AGMO: variants seen among roughly 807,000 people sequenced by gnomAD.
AGMO encodes glyceryl-ether monooxygenase.
Under a neutral mutation model 60.2 loss-of-function variants are expected in AGMO, and 75 were observed. The observed-to-expected ratio is 1.25, with a 90% CI of 1.03 to 1.51. The LOEUF (loss-of-function observed/expected upper bound fraction) is 1.51. Among genes scored for constraint, AGMO ranks in the 40% most tolerant of loss-of-function variants. AGMO has a pLI of 0.00. For missense variants in AGMO, 763 were observed against 525.5 expected, an observed-to-expected ratio of 1.45 and a Z score of -4.42; for synonymous variants, 261 against 177.1, an observed-to-expected ratio of 1.47 and a Z score of -3.76.
At chr7:15,327,013 T>C (rs1441630773) in intron 12 of AGMO, among the ~76,000 whole-genome samples, 2 of 152,164 alleles carry the variant, frequency 1.3e-5, no homozygotes, top group African/African-American at 2.4e-5. Context: ...CTGTTTTTGA[T>C]CAATGCTGAA....
In AGMO at chr7:15,414,518, G is replaced by GGA. The variant is rs1319336471; in HGVS notation, c.609+4038_609+4039dup. ...CACACAAAGAGAGGGAGAAAGGTGG[G>GGA]GAGAGAGAGAGAGAAAACAAGTCAG... On this transcript the variant is annotated intron_variant, in intron 5 of 12. Transcript: ENST00000342526. Among the ~76,000 whole-genome samples the GGA allele has an allele frequency of 5.3e-5, 8 of 151,230 alleles. No individual in the cohort carries two copies. In the East Asian group the frequency reaches 1.2e-3, roughly 22 times the overall value.
chr7:15,379,908 A>G (rs1783608699), intron 10 of AGMO, among the ~76,000 whole-genome samples: 1 of 152,154 alleles, frequency 6.6e-6, no homozygotes, highest in Non-Finnish European at 1.5e-5. Context: ...AAAGACAGAA[A>G]GCATATGATT....
chr7:15,443,829 C>T (rs112113115), intron 3 of AGMO, among the ~76,000 whole-genome samples: 81 of 152,322 alleles, frequency 5.3e-4, no homozygotes, highest in African/African-American at 1.9e-3. Flanking sequence ...TCCTCCTTCT[C>T]ATGTACTGTT....
intron 3 of AGMO, among the ~76,000 whole-genome samples, chr7:15,436,143 T>C (rs1169726728): frequency 6.6e-6 from 1 of 152,214 alleles, no homozygotes; most frequent in Admixed American, 6.5e-5. Context: ...TGAAATCATA[T>C]TGCTAGCACT....
At chr7:15,185,938 A>C in the AGMO span, among the ~76,000 whole-genome samples, 33,384 of 152,182 alleles carry the variant, frequency 0.22, 3,894 homozygotes, top group South Asian at 0.32. Flanking sequence ...TGATTTTCAA[A>C]ACTCTGTATA....
intron 12 of AGMO, among the ~76,000 whole-genome samples, chr7:15,244,819 T>G (rs1782694904): frequency 6.6e-6 from 1 of 151,994 alleles, no homozygotes; most frequent in Admixed American, 6.6e-5. Context: ...GCGTGGCTAA[T>G]TTTTTTGTAT....
intron 12 of AGMO, among the ~76,000 whole-genome samples, chr7:15,279,762 C>T (rs1783908899): frequency 6.6e-6 from 1 of 152,152 alleles, no homozygotes; most frequent in African/African-American, 2.4e-5. Flanking sequence ...GATAAACTGC[C>T]TCTAGGATTC....
At chr7:15,274,294 C>T (rs1472576382) in intron 12 of AGMO, among the ~76,000 whole-genome samples, 1 of 152,132 alleles carries the variant, frequency 6.6e-6, no homozygotes, top group African/African-American at 2.4e-5. Context: ...TATGTCTCAT[C>T]AATACCTAAT....
chr7:15,394,049 A>G, intron 6 of AGMO, 64 bp downstream of exon 6: 1 of 1,223,406 alleles, frequency 8.2e-7, no homozygotes, highest in Non-Finnish European at 1.2e-6. Flanking sequence ...AATGAGATTA[A>G]GGAAAATAAT....
At chr7:15,257,643 T>C (rs4265092) in intron 12 of AGMO, among the ~76,000 whole-genome samples, 56,138 of 152,034 alleles carry the variant, frequency 0.37, 11,308 homozygotes, top group East Asian at 0.51. Context: ...ACAAGAATAA[T>C]TGAGCTAAAA....
chr7:15,450,729 C>A (rs1044362374), intron 3 of AGMO, among the ~76,000 whole-genome samples: 2 of 151,982 alleles, frequency 1.3e-5, no homozygotes, highest in African/African-American at 4.8e-5. Flanking sequence ...AATGTGCCCA[C>A]AGAAAAAAAT....
intron 12 of AGMO, among the ~76,000 whole-genome samples, chr7:15,347,213 C>T (rs1004984518): frequency 3.3e-5 from 5 of 151,962 alleles, no homozygotes; most frequent in South Asian, 2.1e-4. Flanking sequence ...CACGTACAAC[C>T]GTATATACAT....
At chr7:15,308,392 G>A (rs1031579583) in intron 12 of AGMO, among the ~76,000 whole-genome samples, 4 of 152,004 alleles carry the variant, frequency 2.6e-5, no homozygotes. Flanking sequence ...CCTCATTTGA[G>A]AAGACTTTTC....
intron 12 of AGMO, among the ~76,000 whole-genome samples, chr7:15,332,746 A>G (rs538388177): frequency 2.6e-5 from 4 of 152,294 alleles, no homozygotes; most frequent in Admixed American, 2.6e-4. Context: ...ATTTATTGTT[A>G]TTCAAAATAA....
At chr7:15,547,623 G>C (rs1044081181) in intron 2 of AGMO, among the ~76,000 whole-genome samples, 1 of 152,116 alleles carries the variant, frequency 6.6e-6, no homozygotes, top group East Asian at 1.9e-4. Flanking sequence ...TTAAAAAACG[G>C]CGCACCACGA....
the AGMO span, among the ~76,000 whole-genome samples, chr7:15,191,010 C>G: frequency 3.9e-5 from 6 of 152,056 alleles, no homozygotes; most frequent in Admixed American, 3.3e-4. Flanking sequence ...TTTCTGCAAC[C>G]AAGCAAAATT....
intron 12 of AGMO, among the ~76,000 whole-genome samples, chr7:15,248,620 A>G (rs1782839284): frequency 6.6e-6 from 1 of 152,118 alleles, no homozygotes; most frequent in Non-Finnish European, 1.5e-5. Flanking sequence ...GCCCACAATT[A>G]ATGACACTTG....
intron 4 of AGMO, 116 bp from the exon 5 acceptor site, chr7:15,418,769 T>C (rs2128494363): frequency 1.6e-6 from 1 of 631,848 alleles, no homozygotes. Context: ...TACTATATAC[T>C]GTATATTTTA....
At chr7:15,559,853 A>G (rs534219042) in intron 2 of AGMO, among the ~76,000 whole-genome samples, 67 of 152,228 alleles carry the variant, frequency 4.4e-4, no homozygotes, top group Non-Finnish European at 7.2e-4. Flanking sequence ...CAATTTTAAT[A>G]GAGAACCAGA....
Sources: gnomAD v4.1 joint callset for allele counts (sites outside exome capture counted in the v4.1 genomes callset) on GRCh38, gnomAD v4.1.1 for gene constraint, MANE v1.5 for transcripts, NCBI Gene and HGNC (gene_info 2026-07-23, HGNC 2026-07-21) for gene names.